The following VKORC1L1 variants were observed in gnomAD, a reference collection of about 807,000 sequenced individuals.
VKORC1L1 encodes the protein vitamin K epoxide reductase complex subunit 1L1, also known as vitamin K epoxide reductase complex subunit 1-like protein 1.
Under a neutral mutation model 18.9 loss-of-function variants are expected in VKORC1L1, and 2 were observed. The observed-to-expected ratio is 0.11, with a 90% CI of 0.04 to 0.33. The LOEUF is 0.33. Among genes scored for constraint, VKORC1L1 ranks in the 10% least tolerant of loss-of-function variants. The pLI, the probability that VKORC1L1 is intolerant of heterozygous loss-of-function variation, is 1.00. For missense variants in VKORC1L1, 123 were observed against 224.1 expected (o/e 0.55, Z 2.88); for synonymous variants, 96 against 100.0 (o/e 0.96, Z 0.24).
chr7:65,882,271 C>T (rs542421089), intron 1 of VKORC1L1, among the ~76,000 whole-genome samples: 22 of 149,298 alleles, frequency 1.5e-4, no homozygotes, highest in African/African-American at 5.2e-4. Context: ...CTCAGCTACT[C>T]GGGAGGCTGA....
At chr7:65,943,234 A>C (rs1218061728) in intron 1 of VKORC1L1, among the ~76,000 whole-genome samples, 1 of 149,536 alleles carries the variant, frequency 6.7e-6, no homozygotes, top group Non-Finnish European at 1.5e-5. Flanking sequence ...CCCTCTCTAC[A>C]AAAAAAAATG....
intron 1 of VKORC1L1, among the ~76,000 whole-genome samples, chr7:65,874,443 C>T (rs1275734107): frequency 6.6e-6 from 1 of 151,834 alleles, no homozygotes; most frequent in Admixed American, 6.6e-5. Flanking sequence ...GGTAATCCAC[C>T]CACCTCTGCC....
intron 1 of VKORC1L1, among the ~76,000 whole-genome samples, chr7:65,896,727 C>T (rs1303598606): frequency 6.6e-6 from 1 of 152,080 alleles, no homozygotes; most frequent in Non-Finnish European, 1.5e-5. Context: ...GCTGCTGGGC[C>T]TGGTGGCTCA....
chr7:65,874,847 G>A (rs1788799397), intron 1 of VKORC1L1, among the ~76,000 whole-genome samples: 1 of 152,008 alleles, frequency 6.6e-6, no homozygotes, highest in Non-Finnish European at 1.5e-5. Flanking sequence ...TTTAAAAATT[G>A]ACTTGTCTTT....
At chr7:65,943,374 T>C (rs933835741) in intron 1 of VKORC1L1, among the ~76,000 whole-genome samples, 6 of 152,244 alleles carry the variant, frequency 3.9e-5, no homozygotes, top group Non-Finnish European at 1.5e-5. Context: ...ATGCTGCTTT[T>C]TGTTCCAAGT....
intron 1 of VKORC1L1, among the ~76,000 whole-genome samples, chr7:65,924,485 A>G (rs1292066057): frequency 2.0e-5 from 3 of 152,264 alleles, no homozygotes; most frequent in Non-Finnish European, 4.4e-5. Flanking sequence ...ATCGTTGCCA[A>G]ACTAACTACA....
chr7:65,881,189 T>C (rs1396182535), intron 1 of VKORC1L1, among the ~76,000 whole-genome samples: 1 of 152,250 alleles, frequency 6.6e-6, no homozygotes, highest in East Asian at 1.9e-4. Flanking sequence ...AAAATTTGTA[T>C]CTCAGAATCC....
chr7:65,932,242 C>T (rs1423718451), intron 1 of VKORC1L1, among the ~76,000 whole-genome samples: 2 of 151,754 alleles, frequency 1.3e-5, no homozygotes, highest in African/African-American at 4.8e-5. Context: ...ACATTACAGG[C>T]ACCCGCCACC....
intron 1 of VKORC1L1, among the ~76,000 whole-genome samples, chr7:65,945,619 A>AG (rs1047635544): frequency 1.3e-5 from 2 of 152,186 alleles, no homozygotes; most frequent in Non-Finnish European, 2.9e-5. Flanking sequence ...TCTCAAAAAA[A>AG]AAAGGTGGAA....
chr7:65,908,582 A>G (rs2115562195), intron 1 of VKORC1L1, among the ~76,000 whole-genome samples: 1 of 152,318 alleles, frequency 6.6e-6, no homozygotes, highest in South Asian at 2.1e-4. Context: ...TCATGCCTGT[A>G]ATCCCGGCAC....
chr7:65,948,349 CCTT>C (rs1301702243), intron 1 of VKORC1L1, among the ~76,000 whole-genome samples: 8 of 147,742 alleles, frequency 5.4e-5, no homozygotes, highest in East Asian at 4.0e-4. Flanking sequence ...AGAGAAGTCT[CCTT>C]CTGCAAATAC....
chr7:65,886,839 G>GGT (rs1237860894), intron 1 of VKORC1L1, among the ~76,000 whole-genome samples: 4 of 58,626 alleles, frequency 6.8e-5, no homozygotes, highest in South Asian at 9.4e-4. Context: ...GCCTGTCCGA[G>GGT]TTTTTTTTTT....
Position 65,873,281 on chromosome 7 carries a change from C to A in VKORC1L1, c.-91C>A, listed in dbSNP as rs1292825820. On this transcript the variant is annotated 5_prime_UTR_variant, in exon 1 of 3. Coordinates refer to ENST00000360768, the MANE Select transcript of VKORC1L1 (RefSeq NM_173517.6). ...GTGGTGGCGGCGGCGGCGGAGGCGG[C>A]GGTGGCGGCGGTGGCGGCTGGGTCG... The A allele has an allele frequency of 6.0e-6, 6 of 999,944 alleles. No individual in the cohort carries two copies. The highest frequency in any genetic ancestry group is 7.1e-6 in the Non-Finnish European group (6 of 842,766). The allele number at this position is 999,944 out of a possible 1,614,324, so 61.9% of individuals were successfully genotyped here.
At chr7:65,947,586 A>T (rs1168898035) in intron 1 of VKORC1L1, among the ~76,000 whole-genome samples, 1 of 152,184 alleles carries the variant, frequency 6.6e-6, no homozygotes, top group Non-Finnish European at 1.5e-5. Flanking sequence ...CAAATGCAAG[A>T]TTTAAAGTTA....
intron 1 of VKORC1L1, among the ~76,000 whole-genome samples, chr7:65,906,656 G>T (rs540389107): frequency 6.6e-6 from 1 of 152,150 alleles, no homozygotes; most frequent in East Asian, 1.9e-4. Flanking sequence ...ATGAATGTGA[G>T]TTCCTCTTCT....
At chr7:65,921,324 C>G (rs1179943289) in intron 1 of VKORC1L1, among the ~76,000 whole-genome samples, 1 of 152,068 alleles carries the variant, frequency 6.6e-6, no homozygotes, top group Non-Finnish European at 1.5e-5. Context: ...CTTTCCTTGC[C>G]TTCTTTTGGA....
chr7:65,880,435 G>T (rs1272611526), intron 1 of VKORC1L1, among the ~76,000 whole-genome samples: 2 of 152,122 alleles, frequency 1.3e-5, no homozygotes, highest in Non-Finnish European at 2.9e-5. Context: ...CAGATAGACG[G>T]TGTAGTGAGC....
At chr7:65,873,608 C>A in intron 1 of VKORC1L1, 43 bp downstream of exon 1, 1 of 1,348,858 alleles carries the variant, frequency 7.4e-7, no homozygotes, top group African/African-American at 1.6e-5. Context: ...CCGAGCGGGG[C>A]GAGGGTGGAG....
chr7:65,918,490 A>G (rs2115608498), intron 1 of VKORC1L1, among the ~76,000 whole-genome samples: 1 of 152,350 alleles, frequency 6.6e-6, no homozygotes, highest in South Asian at 2.1e-4. Flanking sequence ...GTCCAAAGAC[A>G]TAGCTTTCTG....
Sources: allele counts gnomAD v4.1 joint callset (sites outside exome capture counted in the v4.1 genomes callset), GRCh38; gene constraint gnomAD v4.1.1; transcripts MANE v1.5; gene names NCBI Gene and HGNC (gene_info 2026-07-23, HGNC 2026-07-21).